Variants in EVPL observed in about 807,000 individuals in gnomAD.
The protein encoded by EVPL is envoplakin.
In EVPL, 94 loss-of-function variants were observed where a neutral mutation model predicts 129.7. The observed-to-expected ratio is 0.72, with a 90% CI of 0.61 to 0.86. The LOEUF (loss-of-function observed/expected upper bound fraction) is 0.86, where lower values mean the gene tolerates loss of function less well. Among genes scored for constraint, EVPL ranks in the 40% least tolerant of loss-of-function variants. The pLI is 0.00. For missense variants in EVPL, 2,625 were observed against 2,721.1 expected, an observed-to-expected ratio of 0.96 and a Z score of 0.79; for synonymous variants, 1,172 against 1,191.1, an observed-to-expected ratio of 0.98 and a Z score of 0.33.
At chr17:76,017,715 C>T (rs745505632) in intron 14 of EVPL, 24 bp downstream of exon 14, 26 of 1,602,860 alleles carry the variant, frequency 1.6e-5, no homozygotes, top group Middle Eastern at 3.3e-4. Context: ...TCATCCCAGC[C>T]GCCCCTTCCC....
At chr17:76,014,158 G>A (rs575077030) in intron 18 of EVPL, among the ~76,000 whole-genome samples, 7 of 152,322 alleles carry the variant, frequency 4.6e-5, no homozygotes, top group African/African-American at 1.7e-4. Context: ...CACATTGCCT[G>A]GTACATGGCA....
Position 76,008,591 on chromosome 17 carries a change from G to A in EVPL, c.4614C>T (p.Arg1538=), listed in dbSNP as rs1052833673. Residue 1538 remains arginine, a synonymous_variant, in exon 22 of 22, where the codon CGC becomes CGT. Transcript: ENST00000301607. The surrounding 1 kb of genome is among the most constrained non-coding windows in gnomAD (Gnocchi z 7.4). ...KDRVLEDERA[R]VWEMLNRERT... ...GCTCCCTGTTGAGCATCTCCCACAC[G>A]CGGGCCCGCTCATCTTCCAGGACGC... is the stretch of plus-strand genomic sequence containing the variant. 5.0e-6 allele frequency: 8 copies of A among 1,611,198 alleles called. No homozygotes were observed. In the African/African-American group the frequency reaches 5.3e-5, roughly 11 times the overall value.
In EVPL at chr17:76,009,171, C is replaced by A; in HGVS notation, c.4034G>T (p.Arg1345Leu). 1 of 1,611,604 alleles carries A rather than the reference C, an allele frequency of 6.2e-7. No individual in the cohort carries two copies. The stretch of plus-strand genomic sequence containing the variant: ...CTCGTACACCGCGTCCTCCGCGGCC[C>A]GCCTCTTCTGGGCCGCCTCCCGCAC... ...QEVREAAQKR[R>L]AAEDAVYELQ... Residue 1345 changes from arginine (R) to leucine (L), a missense_variant, in exon 22 of 22, where the codon CGG becomes CTG. Coordinates refer to ENST00000301607, the MANE Select transcript of EVPL (RefSeq NM_001988.4). The surrounding 1 kb of genome is among the most constrained non-coding windows in gnomAD (Gnocchi z 5.9).
Position 76,018,537 on chromosome 17 carries a change from C to T in EVPL, c.1348G>A (p.Val450Met), listed in dbSNP as rs752763898. 9.5e-5 allele frequency: 153 copies of T among 1,612,554 alleles called. No homozygotes were observed. The highest frequency in any genetic ancestry group is 5.6e-4 in the South Asian group (51 of 91,034). Residue 450 changes from valine to methionine, a missense_variant, in exon 12 of 22, where the codon GTG becomes ATG. Val to Met is a conservative substitution (Grantham distance 21, BLOSUM62 1). Coordinates refer to ENST00000301607, the MANE Select transcript of EVPL (RefSeq NM_001988.4). ...TTGGTCTCCCCGCCAGGGCCCTGCA[C>T]GACCCAGGCGTGCGGGTCAGTGTTA... ...VDNTDPHAWV[V>M]QGPGGETKRA...
chr17:76,022,376 G>A lies in EVPL; in HGVS notation c.606+37C>T. On this transcript the variant is annotated intron_variant, in intron 5 of 21. Coordinates refer to ENST00000301607, the MANE Select transcript of EVPL (RefSeq NM_001988.4). The surrounding 1 kb of genome is among the most constrained non-coding windows in gnomAD (Gnocchi z 5.6). ...GCTCTGACTGGAGAAACGGGCTGGG[G>A]CTGGCCCCGGATGTGACATCCTCCA... 6.2e-7 allele frequency: 1 copy of A among 1,612,428 alleles called. No homozygotes were observed. Among genetic ancestry groups the A allele is most frequent in the South Asian group, 1.1e-5 (1 of 90,878 alleles).
Position 76,019,023 on chromosome 17 carries a change from G to T in EVPL, c.1175C>A (p.Thr392Asn), listed in dbSNP as rs770443533. The T allele has an allele frequency of 1.9e-6, 3 of 1,576,704 alleles. No homozygotes were observed. The highest frequency in any genetic ancestry group is 2.0e-5 in the Admixed American group (1 of 49,902). The part of the protein sequence containing the change: ...EKRLAVTERA[T>N]GDLQRRSRDV... ...CCGGCTTCGCCGCTGCAGGTCCCCAGTGGCCCTCTCGGTGACGGCCAGCCG... is the reference window on the plus strand; with the variant it reads ...CCGGCTTCGCCGCTGCAGGTCCCCATTGGCCCTCTCGGTGACGGCCAGCCG... Residue 392 changes from threonine (T) to asparagine (N), a missense_variant, in exon 11 of 22, where the codon ACT (threonine) becomes AAT (asparagine). Around this residue, in one of 4 missense-constraint regions of EVPL, gnomAD observed 1,024 missense variants for 997.5 expected, o/e 1.03. Coordinates refer to ENST00000301607, the MANE Select transcript of EVPL (RefSeq NM_001988.4).
intron 21 of EVPL, among the ~76,000 whole-genome samples, chr17:76,011,257 G>A (rs1221013441): frequency 6.7e-6 from 1 of 149,080 alleles, no homozygotes; most frequent in Non-Finnish European, 1.5e-5. Flanking sequence ...CCAGGTGGCT[G>A]AGGGTGAAGC....
chr17:76,014,990 G>C lies in EVPL; in HGVS notation c.2148C>G (p.Asp716Glu). The change falls in exon 17 of 22, where the codon GAC becomes GAG. Residue 716 changes from aspartate (D) to glutamate (E), a missense_variant. Asp to Glu is a conservative substitution (Grantham distance 45). Around this residue, in one of 4 missense-constraint regions of EVPL, gnomAD observed 1,024 missense variants for 997.5 expected, o/e 1.03. Transcript: ENST00000301607. ...GCACCTGGCGCTGCTGGCGAGGCAGGTCTTGGCAGAACTCCTGGAAGTTGT... is the reference window on the plus strand; with the variant it reads ...GCACCTGGCGCTGCTGGCGAGGCAGCTCTTGGCAGAACTCCTGGAAGTTGT... Reference protein sequence around the residue: ...LQNNFQEFCQDLPRQQRQVRA... With the variant: ...LQNNFQEFCQELPRQQRQVRA... The C allele has an allele frequency of 2.5e-6, 4 of 1,597,204 alleles. No homozygotes were observed. Among genetic ancestry groups the C allele is most frequent in the Non-Finnish European group, 3.4e-6 (4 of 1,176,584 alleles).
Position 76,009,256 on chromosome 17 carries a change from C to G in EVPL, c.3949G>C (p.Val1317Leu). 6.2e-7 allele frequency: 1 copy of G among 1,607,744 alleles called. No individual in the cohort carries two copies. Among genetic ancestry groups the G allele is most frequent in the Non-Finnish European group, 8.5e-7 (1 of 1,179,936 alleles). The change falls in exon 22 of 22, where the codon GTG becomes CTG. Residue 1317 changes from valine (V) to leucine (L), a missense_variant. Val to Leu is a conservative substitution (Grantham distance 32, BLOSUM62 1). This residue lies in a region of EVPL where 1,453 missense variants were observed against 1,511.8 expected (regional missense o/e 0.96). Transcript: ENST00000301607. The surrounding 1 kb of genome is among the most constrained non-coding windows in gnomAD (Gnocchi z 5.9). ...ACCGGGTCCTTCTCGTGGCGCACCA[C>G]CTCCTTGCTCACCGTCTTGGTCTCC... ...KVETKTVSKEVVRHEKDPVLE... is the reference protein window; with the variant it reads ...KVETKTVSKELVRHEKDPVLE...
chr17:76,023,924 C>T (rs2066481421), intron 2 of EVPL, 97 bp downstream of exon 2: 1 of 1,461,058 alleles, frequency 6.8e-7, no homozygotes, highest in South Asian at 1.2e-5. Flanking sequence ...CCATCTTCAC[C>T]ATCACCAAGG....
intron 14 of EVPL, among the ~76,000 whole-genome samples, chr17:76,017,143 G>T (rs1308122112): frequency 6.7e-6 from 1 of 149,072 alleles, no homozygotes; most frequent in African/African-American, 2.5e-5. Flanking sequence ...AACCTGGGAG[G>T]CAGAAGTTGC....
intron 21 of EVPL, among the ~76,000 whole-genome samples, chr17:76,010,835 C>T (rs555555514): frequency 4.6e-5 from 7 of 152,264 alleles, no homozygotes; most frequent in Non-Finnish European, 8.8e-5. Context: ...CCAAGGTGGG[C>T]GGATCACCTG....
rs1463559029 is a variant in EVPL at position 76,026,906 on chromosome 17, A to C, written c.98+195T>G. On this transcript the variant is annotated intron_variant, in intron 1 of 21. Coordinates refer to ENST00000301607, the MANE Select transcript of EVPL (RefSeq NM_001988.4). ...ATCCCCTGCCTCCTGCCAGGGCTGA[A>C]GTTCGGCCTGGGCCTGCGGCTCCCA... is the stretch of plus-strand genomic sequence containing the variant. Among the ~76,000 whole-genome samples, 15 of 152,350 alleles carry C rather than the reference A, an allele frequency of 9.8e-5. No individual in the cohort carries two copies. In the East Asian group the frequency reaches 2.9e-3, roughly 29 times the overall value.
chr17:76,021,326 G>T (rs1247590920), intron 9 of EVPL, 142 bp downstream of exon 9: 2 of 738,526 alleles, frequency 2.7e-6, no homozygotes, highest in African/African-American at 1.8e-5. Context: ...AAAGTGCTGG[G>T]ATTACAGGTG....
rs2066328776 is a variant in EVPL, at chr17:76,007,531, A to C, written c.5674T>G (p.Ser1892Ala). The C allele has an allele frequency of 6.2e-7, 1 of 1,613,308 alleles. No individual in the cohort carries two copies. Among genetic ancestry groups the C allele is most frequent in the African/African-American group, 1.3e-5 (1 of 74,714 alleles). Reference protein sequence around the residue: ...AMERGLIENTSTQRLLNAQKA... With the variant: ...AMERGLIENTATQRLLNAQKA... ...TGGGCGTTAAGCAGCCTCTGTGTGG[A>C]GGTGTTCTCGATCAGGCCCCTCTCC... Residue 1892 changes from serine to alanine, a missense_variant, in exon 22 of 22, where the codon TCC becomes GCC. Physicochemically the swap from Ser to Ala is moderately conservative, Grantham distance 99. Around this residue, in one of 4 missense-constraint regions of EVPL, gnomAD observed 1,453 missense variants for 1,511.8 expected, o/e 0.96. Coordinates refer to ENST00000301607, the MANE Select transcript of EVPL (RefSeq NM_001988.4). The surrounding 1 kb of genome is among the most constrained non-coding windows in gnomAD (Gnocchi z 8.8).
Position 76,006,849 on chromosome 17 carries a change from G to A in EVPL, c.*254C>T, listed in dbSNP as rs1128889. 127,742 of 368,202 alleles carry A rather than the reference G, an allele frequency of 0.35. 25,312 individuals are homozygous for A. Among genetic ancestry groups the A allele is most frequent in the East Asian group, 0.57 (14,050 of 24,642 alleles). The allele number at this position is 368,202 out of a possible 1,614,324, so 22.8% of individuals were successfully genotyped here. Reference sequence around the variant, plus strand: ...GAATGAATGGGACACCACATGGCACGGGGAGACAGAATTCGTTTATTGGGA... The same window carrying A: ...GAATGAATGGGACACCACATGGCACAGGGAGACAGAATTCGTTTATTGGGA... On this transcript the variant is annotated 3_prime_UTR_variant, in exon 22 of 22. Coordinates refer to ENST00000301607, the MANE Select transcript of EVPL (RefSeq NM_001988.4).
Position 76,022,121 on chromosome 17 carries a change from C to G in EVPL, c.645+68G>C, listed in dbSNP as rs1007844997. On this transcript the variant is annotated intron_variant, in intron 6 of 21. Transcript: ENST00000301607. This position sits in a 1 kb window ranked among gnomAD's most constrained non-coding sequence, Gnocchi z 5.6. ...GGGCCGCGCTCAGGAACACTGGCCC[C>G]GGGCAGGGTCCGGGCGGCCACCCAG... is the stretch of plus-strand genomic sequence containing the variant. 5.6e-6 allele frequency: 9 copies of G among 1,596,458 alleles called. No homozygotes were observed. The South Asian group carries it at 7.8e-5, about 14-fold the overall frequency.
chr17:76,018,374 A>T, intron 12 of EVPL, 72 bp downstream of exon 12: 1 of 1,538,014 alleles, frequency 6.5e-7, no homozygotes, highest in Non-Finnish European at 8.8e-7. Flanking sequence ...CTGTTGGGCC[A>T]TGGGCTTGGA....
At position 76,009,245 on chromosome 17, in the gene EVPL, G is replaced by A. The variant is rs760754752; in HGVS notation, c.3960C>T (p.His1320=). 3 of 1,607,732 alleles carry A rather than the reference G, an allele frequency of 1.9e-6. 1 individual carries two copies. Among genetic ancestry groups the A allele is most frequent in the Non-Finnish European group, 8.5e-7 (1 of 1,179,886 alleles). The change falls in exon 22 of 22, where the codon CAC becomes CAT. Residue 1320 remains histidine, a synonymous_variant. Coordinates refer to ENST00000301607, the MANE Select transcript of EVPL (RefSeq NM_001988.4). The surrounding 1 kb of genome is among the most constrained non-coding windows in gnomAD (Gnocchi z 5.9). ...TKTVSKEVVR[H]EKDPVLEKEA... Reference sequence around the variant, plus strand: ...CTTTCTCCAGCACCGGGTCCTTCTCGTGGCGCACCACCTCCTTGCTCACCG... The same window carrying A: ...CTTTCTCCAGCACCGGGTCCTTCTCATGGCGCACCACCTCCTTGCTCACCG...
Sources: gnomAD v4.1 joint callset for allele counts (sites outside exome capture counted in the v4.1 genomes callset) on GRCh38, gnomAD v4.1.1 for gene constraint, gnomAD v4.1.1 regional missense constraint, Gnocchi (gnomAD v3.1) non-coding constraint, MANE v1.5 for transcripts, NCBI Gene and HGNC (gene_info 2026-07-23, HGNC 2026-07-21) for gene names.